Variants in CCDC178 observed in about 807,000 individuals in gnomAD.
CCDC178 encodes coiled-coil domain containing 178.
CCDC178 carries 126 observed loss-of-function variants against 117.4 expected under a neutral mutation model. The ratio of observed to expected loss-of-function variants is 1.07; its 90% CI spans 0.93 to 1.24. CCDC178 has a LOEUF of 1.24. Ranked by LOEUF, CCDC178 falls within the 50% of genes most tolerant of loss-of-function variation. CCDC178 has a pLI of 0.00. For synonymous variants in CCDC178, 283 were observed against 313.4 expected, an observed-to-expected ratio of 0.90 and a Z score of 1.02; for missense variants, 1,030 against 986.9, an observed-to-expected ratio of 1.04 and a Z score of -0.59.
chr18:33,297,241 C>A (rs761244465), intron 11 of CCDC178, among the ~76,000 whole-genome samples: 1 of 151,576 alleles, frequency 6.6e-6, no homozygotes, highest in Non-Finnish European at 1.5e-5. Flanking sequence ...AAAACTAGAG[C>A]GATTTAAAAT....
chr18:33,319,621 T>A (rs1015268074), intron 11 of CCDC178, among the ~76,000 whole-genome samples: 4 of 152,184 alleles, frequency 2.6e-5, no homozygotes, highest in African/African-American at 9.7e-5. Context: ...CGCCACACTG[T>A]CTTCCACAAT....
intron 20 of CCDC178, among the ~76,000 whole-genome samples, chr18:33,211,061 T>C (rs1452764651): frequency 6.6e-6 from 1 of 151,750 alleles, no homozygotes; most frequent in Non-Finnish European, 1.5e-5. Flanking sequence ...AATGGAAATA[T>C]TGATATAATA....
chr18:33,248,266 AT>A (rs996756876), intron 14 of CCDC178, among the ~76,000 whole-genome samples: 6 of 150,924 alleles, frequency 4.0e-5, no homozygotes, highest in South Asian at 2.1e-4. Flanking sequence ...GAAAGCCTTT[AT>A]TTTTTTTTAT....
intron 20 of CCDC178, among the ~76,000 whole-genome samples, chr18:33,133,381 A>G (rs1275672979): frequency 6.6e-6 from 1 of 151,896 alleles, no homozygotes; most frequent in Non-Finnish European, 1.5e-5. Flanking sequence ...AAGAGAAAAT[A>G]CATAAATTTG....
intron 21 of CCDC178, among the ~76,000 whole-genome samples, chr18:33,062,141 G>A (rs917348643): frequency 6.6e-6 from 1 of 152,178 alleles, no homozygotes; most frequent in African/African-American, 2.4e-5. Flanking sequence ...TACTTTGTGT[G>A]TGGACACTAT....
intron 5 of CCDC178, among the ~76,000 whole-genome samples, chr18:33,382,971 C>T (rs1217638532): frequency 6.6e-6 from 1 of 152,092 alleles, no homozygotes; most frequent in Non-Finnish European, 1.5e-5. Flanking sequence ...CCTGGGATGA[C>T]TGAGTTCCCA....
chr18:33,383,336 A>G (rs1325636045), intron 5 of CCDC178, among the ~76,000 whole-genome samples: 1 of 151,916 alleles, frequency 6.6e-6, no homozygotes, highest in African/African-American at 2.4e-5. Flanking sequence ...GACAAGGGGG[A>G]TTCCCCCAAC....
intron 20 of CCDC178, among the ~76,000 whole-genome samples, chr18:33,125,402 G>A (rs1416788519): frequency 6.6e-6 from 1 of 151,976 alleles, no homozygotes; most frequent in Non-Finnish European, 1.5e-5. Context: ...TCACTTAACT[G>A]GTTTTAAAGA....
chr18:32,956,858 T>C (rs1314378563), intron 22 of CCDC178: 1 of 152,196 alleles, frequency 6.6e-6, no homozygotes, highest in African/African-American at 2.4e-5. Context: ...AACTGTTTTT[T>C]CCATCTGAAC....
chr18:33,010,012 T>C (rs1031387714), intron 21 of CCDC178, among the ~76,000 whole-genome samples: 1 of 152,160 alleles, frequency 6.6e-6, no homozygotes, highest in Non-Finnish European at 1.5e-5. Context: ...CATTGTCTTC[T>C]AATCATCCAA....
chr18:33,296,414 A>G (rs2062106718), intron 11 of CCDC178, among the ~76,000 whole-genome samples: 1 of 152,008 alleles, frequency 6.6e-6, no homozygotes, highest in South Asian at 2.1e-4. Flanking sequence ...TACATACATG[A>G]AAATATGTAA....
intron 11 of CCDC178, among the ~76,000 whole-genome samples, chr18:33,316,518 CG>C (rs1352990661): frequency 6.6e-6 from 1 of 152,098 alleles, no homozygotes; most frequent in East Asian, 1.9e-4. Flanking sequence ...TGACGAGCGC[CG>C]CCCCCTGCTG....
intron 14 of CCDC178, among the ~76,000 whole-genome samples, chr18:33,247,878 G>A (rs1004903442): frequency 1.8e-4 from 28 of 151,730 alleles, no homozygotes; most frequent in African/African-American, 6.5e-4. Flanking sequence ...CATTCCAGTT[G>A]ATTTTCAGAA....
chr18:33,010,988 A>C (rs561993273), intron 21 of CCDC178, among the ~76,000 whole-genome samples: 1 of 152,290 alleles, frequency 6.6e-6, no homozygotes, highest in South Asian at 2.1e-4. Flanking sequence ...GAGAACAGCT[A>C]TTCCCCCAAA....
intron 20 of CCDC178, among the ~76,000 whole-genome samples, chr18:33,207,878 T>C (rs1423079534): frequency 6.6e-6 from 1 of 151,974 alleles, no homozygotes; most frequent in African/African-American, 2.4e-5. Context: ...ACACTCAAAA[T>C]CTATTAAATT....
rs1365161241 is a variant in CCDC178, at chr18:33,083,826, T to A, written c.2388+8935A>T. ...TCAGCAAATTTATACATTTTCATTT[T>A]AAAAGATTTCTTCTTTTTCATGATG... On this transcript the variant is annotated intron_variant, in intron 21 of 22. Coordinates refer to ENST00000383096, the MANE Select transcript of CCDC178 (RefSeq NM_001105528.4). Among the ~76,000 whole-genome samples, 71 of 152,248 alleles carry A rather than the reference T, an allele frequency of 4.7e-4. 1 individual carries two copies. The highest frequency in any genetic ancestry group is 4.4e-5 in the Non-Finnish European group (3 of 68,038).
At chr18:33,305,744 C>A (rs887730436) in intron 11 of CCDC178, among the ~76,000 whole-genome samples, 1 of 152,138 alleles carries the variant, frequency 6.6e-6, no homozygotes, top group Non-Finnish European at 1.5e-5. Flanking sequence ...CTTCCTCCCC[C>A]TCCTCCTTCT....
At chr18:33,104,950 T>C (rs1229226970) in intron 20 of CCDC178, among the ~76,000 whole-genome samples, 8 of 151,794 alleles carry the variant, frequency 5.3e-5, no homozygotes, top group African/African-American at 1.9e-4. Flanking sequence ...ATGTGACAAA[T>C]ACAATTATAT....
At chr18:32,997,143 C>A (rs2055529762) in intron 21 of CCDC178, among the ~76,000 whole-genome samples, 1 of 151,938 alleles carries the variant, frequency 6.6e-6, no homozygotes, top group Admixed American at 6.6e-5. Flanking sequence ...ATTAAATAAC[C>A]CTAGTACTAT....
Sources: allele counts gnomAD v4.1 joint callset (sites outside exome capture counted in the v4.1 genomes callset), GRCh38; gene constraint gnomAD v4.1.1; transcripts MANE v1.5; gene names NCBI Gene and HGNC (gene_info 2026-07-23, HGNC 2026-07-21).